HP1BP3: variants seen among roughly 807,000 people sequenced by gnomAD.
The protein encoded by HP1BP3 is heterochromatin protein 1-binding protein 3.
A neutral mutation model predicts 62.5 loss-of-function variants in HP1BP3; 12 were observed. The ratio of observed to expected loss-of-function variants is 0.19; its 90% confidence interval spans 0.12 to 0.31. The LOEUF (loss-of-function observed/expected upper bound fraction) is 0.31. Among genes scored for constraint, HP1BP3 ranks in the 10% least tolerant of loss-of-function variants. HP1BP3 has a pLI of 1.00. For synonymous variants in HP1BP3, 260 were observed against 237.8 expected, an observed-to-expected ratio of 1.09 and a Z score of -0.86; for missense variants, 502 against 651.8, an observed-to-expected ratio of 0.77 and a Z score of 2.50.
At chr1:20,769,937 A>G (rs991547802) in intron 6 of HP1BP3, among the ~76,000 whole-genome samples, 10 of 152,240 alleles carry the variant, frequency 6.6e-5, no homozygotes, top group Admixed American at 6.5e-5. Flanking sequence ...GGGTATAGAA[A>G]AAACTTAACA....
chr1:20,766,973 A>C (rs1352598542), intron 7 of HP1BP3, among the ~76,000 whole-genome samples: 2 of 151,980 alleles, frequency 1.3e-5, no homozygotes, highest in African/African-American at 4.8e-5. Context: ...AAACAAACAA[A>C]AAAACAGAGG....
intron 9 of HP1BP3, chr1:20,755,202 A>G (rs1405181181): frequency 1.0e-5 from 2 of 197,456 alleles, no homozygotes; most frequent in Non-Finnish European, 2.2e-5. Context: ...TCAAAACTAC[A>G]ACGAGATACC....
chr1:20,785,588 G>A (rs773748360), intron 1 of HP1BP3, among the ~76,000 whole-genome samples: 32 of 152,118 alleles, frequency 2.1e-4, no homozygotes, highest in Non-Finnish European at 8.8e-5. Flanking sequence ...CATATACTCA[G>A]TGTCTGTTTT....
intron 4 of HP1BP3, among the ~76,000 whole-genome samples, chr1:20,775,179 GT>G (rs1249338248): frequency 2.6e-5 from 4 of 152,108 alleles, no homozygotes; most frequent in African/African-American, 9.7e-5. Flanking sequence ...AGACAGCACT[GT>G]TATCATAGGA....
chr1:20,783,143 T>C (rs2057651071), intron 1 of HP1BP3, among the ~76,000 whole-genome samples: 1 of 151,864 alleles, frequency 6.6e-6, no homozygotes, highest in Non-Finnish European at 1.5e-5. Context: ...AAAAGTTGAA[T>C]GAACAAAGAC....
intron 5 of HP1BP3, 50 bp from the exon 6 acceptor site, chr1:20,771,123 G>C (rs763255238): frequency 3.3e-5 from 46 of 1,394,116 alleles, no homozygotes; most frequent in Non-Finnish European, 4.3e-5. Context: ...GATAGAGCCT[G>C]ACATATATTT....
Position 20,740,831 on chromosome 1 carries a change from T to G in HP1BP3, c.*3966A>C, listed in dbSNP as rs1429430157. On this transcript the variant is annotated 3_prime_UTR_variant, in exon 13 of 13. Transcript: ENST00000438032. The stretch of plus-strand genomic sequence containing the variant: ...AACTCCATCTCAAAAAAATAATAAG[T>G]AAAAGAATATAGTTATAAAGACGGT... Among the ~76,000 whole-genome samples the G allele has an allele frequency of 6.6e-6, 1 of 152,146 alleles. No homozygotes were observed. Among genetic ancestry groups the G allele is most frequent in the Non-Finnish European group, 1.5e-5 (1 of 68,024 alleles).
At chr1:20,777,645 T>G (rs574354087) in intron 3 of HP1BP3, among the ~76,000 whole-genome samples, 1 of 152,130 alleles carries the variant, frequency 6.6e-6, no homozygotes, top group South Asian at 2.1e-4. Context: ...TTTTTAGTAG[T>G]GACAGGGTTT....
At chr1:20,774,622 A>C (rs2057217342) in intron 4 of HP1BP3, 1 of 152,198 alleles carries the variant, frequency 6.6e-6, no homozygotes, top group Admixed American at 6.5e-5. Context: ...ATCACAGCGC[A>C]GCACGTTACT....
chr1:20,740,870 T>A lies in HP1BP3; in HGVS notation c.*3927A>T, dbSNP rs1030793932. Reference sequence around the variant, plus strand: ...TATAAAGACGGTAGAGATTAATTTCTTAAGAAAATAATGCAGCTGATTAGG... The same window carrying A: ...TATAAAGACGGTAGAGATTAATTTCATAAGAAAATAATGCAGCTGATTAGG... On this transcript the variant is annotated 3_prime_UTR_variant, in exon 13 of 13. Coordinates refer to ENST00000438032, the MANE Select transcript of HP1BP3 (RefSeq NM_001372052.1). Among the ~76,000 whole-genome samples, 1 of 152,218 alleles carries A rather than the reference T, an allele frequency of 6.6e-6. No homozygotes were observed. The highest frequency in any genetic ancestry group is 2.4e-5 in the African/African-American group (1 of 41,458).
intron 11 of HP1BP3, 45 bp downstream of exon 11, chr1:20,747,499 T>A (rs1013537711): frequency 8.4e-7 from 1 of 1,191,268 alleles, no homozygotes; most frequent in Non-Finnish European, 1.2e-6. Context: ...AGTGTGTAAC[T>A]TAGACTATAA....
chr1:20,746,710 C>T (rs1034558521), intron 11 of HP1BP3, among the ~76,000 whole-genome samples: 9 of 152,148 alleles, frequency 5.9e-5, no homozygotes, highest in African/African-American at 1.7e-4. Context: ...TTCTTGAAAA[C>T]AGTCAATGTT....
chr1:20,775,048 G>A (rs1413873631), intron 4 of HP1BP3: 1 of 150,792 alleles, frequency 6.6e-6, no homozygotes. Context: ...AAACAGCTAT[G>A]CTACTAGTTT....
chr1:20,750,689 C>T (rs1422278634), intron 9 of HP1BP3, among the ~76,000 whole-genome samples: 1 of 151,828 alleles, frequency 6.6e-6, no homozygotes, highest in Non-Finnish European at 1.5e-5. Context: ...TGCCTCTGCC[C>T]GCCACCCCAA....
intron 9 of HP1BP3, 87 bp from the exon 10 acceptor site, chr1:20,749,969 G>A (rs2055606146): frequency 9.2e-6 from 14 of 1,527,648 alleles, no homozygotes; most frequent in East Asian, 2.3e-5. Context: ...CAGGTGGGTC[G>A]GAGTTCCTGC....
At chr1:20,757,296 T>C (rs149919093) in intron 8 of HP1BP3, 40 bp from the exon 9 acceptor site, 673 of 1,243,392 alleles carry the variant, frequency 5.4e-4, no homozygotes, top group Admixed American at 2.3e-3. Context: ...ATAAATACAT[T>C]AATGAAAGAA....
intron 8 of HP1BP3, among the ~76,000 whole-genome samples, chr1:20,759,550 T>C (rs1398107377): frequency 1.3e-5 from 2 of 152,214 alleles, no homozygotes; most frequent in Non-Finnish European, 2.9e-5. Flanking sequence ...GAAGGCACTC[T>C]GACACCCAGA....
intron 9 of HP1BP3, among the ~76,000 whole-genome samples, chr1:20,752,630 ATGG>A (rs1376937878): frequency 6.6e-6 from 1 of 152,150 alleles, no homozygotes; most frequent in African/African-American, 2.4e-5. Context: ...TGCAGAAGCA[ATGG>A]TGGGTAAAAC....
Position 20,749,703 on chromosome 1 carries a change from T to C in HP1BP3, c.1141+20A>G, listed in dbSNP as rs923360593. 1 of 1,595,474 alleles carries C rather than the reference T, an allele frequency of 6.3e-7. No individual in the cohort carries two copies. Among genetic ancestry groups the C allele is most frequent in the East Asian group, 2.2e-5 (1 of 44,566 alleles). On this transcript the variant is annotated intron_variant, in intron 10 of 12. Transcript: ENST00000438032. Reference sequence around the variant, plus strand: ...GAAAATTCTCCTAATCCCAGTTAAATATACACAACCGAGTCTTACTTTGAT... The same window carrying C: ...GAAAATTCTCCTAATCCCAGTTAAACATACACAACCGAGTCTTACTTTGAT...
Sources: gnomAD v4.1 joint callset for allele counts (sites outside exome capture counted in the v4.1 genomes callset) on GRCh38, gnomAD v4.1.1 for gene constraint, MANE v1.5 for transcripts, NCBI Gene and HGNC (gene_info 2026-07-23, HGNC 2026-07-21) for gene names.